GAS2: variants seen among roughly 807,000 people sequenced by gnomAD.
GAS2 encodes the protein growth arrest-specific protein 2.
GAS2 carries 20 observed loss-of-function variants against 37.5 expected under a neutral mutation model. That is an observed-to-expected ratio of 0.53 (90% confidence interval 0.37 to 0.77). The LOEUF is 0.77. GAS2 is among the 30% of genes least tolerant of loss of function. The pLI is 0.00. For missense variants in GAS2, 336 were observed against 373.4 expected (o/e 0.90, Z 0.82); for synonymous variants, 144 against 132.2 (o/e 1.09, Z -0.61).
chr11:22,680,477 A>T (rs1408772914), intron 2 of GAS2, among the ~76,000 whole-genome samples: 7 of 152,154 alleles, frequency 4.6e-5, no homozygotes, highest in Non-Finnish European at 1.0e-4. Context: ...CATATGAACC[A>T]CTTTGAATTC....
At chr11:22,689,735 G>A (rs1850145387) in intron 3 of GAS2, among the ~76,000 whole-genome samples, 2 of 152,140 alleles carry the variant, frequency 1.3e-5, no homozygotes, top group South Asian at 4.1e-4. Context: ...TAGGATTACA[G>A]TGAATATTTC....
intron 1 of GAS2, among the ~76,000 whole-genome samples, chr11:22,634,107 G>A (rs1023050221): frequency 6.6e-6 from 1 of 152,172 alleles, no homozygotes; most frequent in African/African-American, 2.4e-5. Flanking sequence ...ACGTGGCTGG[G>A]GAGGCCTCAC....
At chr11:22,799,721 G>A (rs1856576834) in intron 7 of GAS2, among the ~76,000 whole-genome samples, 1 of 151,952 alleles carries the variant, frequency 6.6e-6, no homozygotes, top group Non-Finnish European at 1.5e-5. Flanking sequence ...AATAAGCAAT[G>A]CAGATATAAT....
At chr11:22,762,078 G>C (rs1462387590) in intron 7 of GAS2, among the ~76,000 whole-genome samples, 3 of 152,116 alleles carry the variant, frequency 2.0e-5, no homozygotes, top group Non-Finnish European at 2.9e-5. Flanking sequence ...GTTTGAGAAA[G>C]ACATTGTCAA....
chr11:22,771,193 A>G (rs1309047218), intron 7 of GAS2, among the ~76,000 whole-genome samples: 5 of 152,072 alleles, frequency 3.3e-5, no homozygotes, highest in Admixed American at 3.3e-4. Context: ...TGGCTAGAAG[A>G]CAGTAACCTA....
At position 22,749,146 on chromosome 11, in the gene GAS2, T is replaced by C; in HGVS notation, c.500T>C (p.Ile167Thr). 2 of 1,612,442 alleles carry C rather than the reference T, an allele frequency of 1.2e-6. No individual in the cohort carries two copies. The highest frequency in any genetic ancestry group is 1.7e-6 in the Non-Finnish European group (2 of 1,179,086). ...TATGGTGTGGAGCCTCCTGGTTTGA[T>C]AAAGCTGGAAAAAGAGATTGAACAA... ...ARYGVEPPGLIKLEKEIEQEE... is the reference protein window; with the variant it reads ...ARYGVEPPGLTKLEKEIEQEE... The change falls in exon 6 of 8, where the codon ATA (isoleucine) becomes ACA (threonine). Residue 167 changes from isoleucine to threonine, a missense_variant. By Grantham distance (89) the Ile-to-Thr change is moderately conservative. Transcript: ENST00000454584.
chr11:22,807,053 G>A (rs758019568), intron 7 of GAS2, among the ~76,000 whole-genome samples: 1 of 151,478 alleles, frequency 6.6e-6, no homozygotes, highest in Non-Finnish European at 1.5e-5. Flanking sequence ...TCAGTGAAAG[G>A]CAATAGTGTA....
intron 3 of GAS2, among the ~76,000 whole-genome samples, chr11:22,721,477 A>G (rs1165590741): frequency 6.6e-6 from 1 of 152,004 alleles, no homozygotes; most frequent in African/African-American, 2.4e-5. Flanking sequence ...ATTTGATGGG[A>G]GTTGAGAGAC....
rs563603207 is a variant in GAS2, at chr11:22,656,634, T to C, written c.-20-18216T>C. ...CAAAAGGTAAAGCAGCATTAACATA[T>C]AAAAATCATCCCCATACTTTATTAA... On this transcript the variant is annotated intron_variant, in intron 1 of 5. Transcript: ENST00000528582. Among the ~76,000 whole-genome samples, 17 of 152,268 alleles carry C rather than the reference T, an allele frequency of 1.1e-4. No individual in the cohort carries two copies. In the South Asian group the frequency reaches 2.9e-3, roughly 26 times the overall value.
At chr11:22,637,449 ATAT>A (rs1252544956) in intron 1 of GAS2, among the ~76,000 whole-genome samples, 2 of 18,624 alleles carry the variant, frequency 1.1e-4, no homozygotes, top group Non-Finnish European at 8.7e-5. Flanking sequence ...ACTTAATATA[ATAT>A]TAATTATATT....
intron 1 of GAS2, among the ~76,000 whole-genome samples, chr11:22,674,214 T>A (rs940520646): frequency 2.2e-3 from 28 of 13,022 alleles, no homozygotes; most frequent in Middle Eastern, 0.038. Flanking sequence ...TCTATTTTTT[T>A]ATTTTTTTTT....
intron 5 of GAS2, among the ~76,000 whole-genome samples, chr11:22,738,919 G>A (rs1354537404): frequency 1.3e-5 from 2 of 152,118 alleles, no homozygotes; most frequent in African/African-American, 4.8e-5. Context: ...ATATTTTTGA[G>A]CCTTACCTCA....
intron 5 of GAS2, among the ~76,000 whole-genome samples, chr11:22,741,323 A>ACT (rs10655805): frequency 0.99 from 150,580 of 152,246 alleles, 74,494 homozygotes; most frequent in Middle Eastern, 1. Context: ...GAAAAGTAAA[A>ACT]CTGTGTAAAA....
rs901694668 is a variant in GAS2, at chr11:22,809,492, T to C, written c.724-2306T>C. On this transcript the variant is annotated intron_variant, in intron 7 of 7. Transcript: ENST00000454584. ...TTCCATATTTATTTATTATTATTAT[T>C]ATCATTATTATTTGAGATGGAGTCT... is the stretch of plus-strand genomic sequence containing the variant. Among the ~76,000 whole-genome samples, 8 of 151,768 alleles carry C rather than the reference T, an allele frequency of 5.3e-5. No individual in the cohort carries two copies. In the East Asian group the frequency reaches 9.7e-4, roughly 18 times the overall value.
At chr11:22,718,994 A>G (rs1378492375) in intron 3 of GAS2, among the ~76,000 whole-genome samples, 1 of 152,128 alleles carries the variant, frequency 6.6e-6, no homozygotes, top group East Asian at 1.9e-4. Context: ...TCAAACTATC[A>G]ATGACATAGT....
At chr11:22,638,084 T>G (rs1858861693) in intron 1 of GAS2, among the ~76,000 whole-genome samples, 1 of 152,040 alleles carries the variant, frequency 6.6e-6, no homozygotes, top group Non-Finnish European at 1.5e-5. Context: ...CTATTGTTAT[T>G]AATATTATAT....
chr11:22,806,672 G>A (rs1856905812), intron 7 of GAS2, among the ~76,000 whole-genome samples: 1 of 152,136 alleles, frequency 6.6e-6, no homozygotes, highest in African/African-American at 2.4e-5. Context: ...AAACAGCTTA[G>A]CCACTGGCTT....
chr11:22,719,762 A>G (rs1281985062), intron 3 of GAS2, among the ~76,000 whole-genome samples: 1 of 152,064 alleles, frequency 6.6e-6, no homozygotes, highest in Non-Finnish European at 1.5e-5. Context: ...ATATGCATTT[A>G]AACTTCCACC....
At chr11:22,775,350 T>A (rs1416456835) in intron 7 of GAS2, among the ~76,000 whole-genome samples, 1 of 152,112 alleles carries the variant, frequency 6.6e-6, no homozygotes, top group Non-Finnish European at 1.5e-5. Context: ...AAATTCCAGG[T>A]ATATATATTA....
Sources: gnomAD v4.1 joint callset for allele counts (sites outside exome capture counted in the v4.1 genomes callset) on GRCh38, gnomAD v4.1.1 for gene constraint, MANE v1.5 for transcripts, NCBI Gene and HGNC (gene_info 2026-07-23, HGNC 2026-07-21) for gene names.